Variants in TRMT10B observed in about 807,000 individuals in gnomAD.
TRMT10B encodes the protein tRNA methyltransferase 10B.
Under a neutral mutation model 43.8 loss-of-function variants are expected in TRMT10B, and 33 were observed. The observed-to-expected ratio is 0.75, with a 90% CI of 0.57 to 1.01. TRMT10B has a LOEUF of 1.01. TRMT10B is among the 50% of genes least tolerant of loss of function. The probability of loss-of-function intolerance (pLI) is 0.00; values close to 1 mark genes in which losing one functional copy is unlikely to be tolerated. For missense variants in TRMT10B, 362 were observed against 369.8 expected (o/e 0.98, Z 0.17); for synonymous variants, 137 against 130.6 (o/e 1.05, Z -0.34).
upstream of TRMT10B, among the ~76,000 whole-genome samples, chr9:37,753,500 T>C (rs1021486009): frequency 6.7e-6 from 1 of 149,622 alleles, no homozygotes; most frequent in Admixed American, 6.7e-5. Flanking sequence ...TTAGAATTTT[T>C]TTGCTTCACA....
At position 37,762,086 on chromosome 9, in the gene TRMT10B, TCCTGGCCACAG is replaced by T; in HGVS notation, c.156_166del (p.Ile52MetfsTer89). On this transcript the variant is annotated frameshift_variant, in exon 2 of 9. Transcript: ENST00000297994. LOFTEE classifies it high-confidence loss of function. ...GAAGGCGAGTGCCAGGAGGGAGAGATCCTGGCCACAGGCAGTACGGCATGGTGCTCGGTGAG... is the reference window on the plus strand; with the variant it reads ...GAAGGCGAGTGCCAGGAGGGAGAGATGCAGTACGGCATGGTGCTCGGTGAG... The T allele has an allele frequency of 6.2e-7, 1 of 1,614,010 alleles. No individual in the cohort carries two copies. Among genetic ancestry groups the T allele is most frequent in the Non-Finnish European group, 8.5e-7 (1 of 1,179,958 alleles).
intron 1 of TRMT10B, 30 bp downstream of exon 1, chr9:37,753,882 C>T (rs1477449374): frequency 1.3e-5 from 2 of 152,340 alleles, no homozygotes; most frequent in Non-Finnish European, 2.9e-5. Context: ...AGGGGGCTGG[C>T]TGGGGGCTGC....
At chr9:37,776,440 A>G in intron 8 of TRMT10B, 35 bp downstream of exon 8, 2 of 1,587,922 alleles carry the variant, frequency 1.3e-6, no homozygotes, top group Non-Finnish European at 1.7e-6. Flanking sequence ...AGGGTGTGTG[A>G]GTTCTGGTGC....
chr9:37,759,230 A>G (rs1413023757), intron 1 of TRMT10B, among the ~76,000 whole-genome samples: 2 of 152,228 alleles, frequency 1.3e-5, no homozygotes, highest in African/African-American at 4.8e-5. Flanking sequence ...CAAGCTGGAA[A>G]AGATCTCAAA....
rs57651814 is a variant in TRMT10B, at chr9:37,769,308, TAAAAAAAAAAAAAAAA to T, written c.574-615_574-600del. Among the ~76,000 whole-genome samples the T allele has an allele frequency of 3.1e-4, 19 of 60,726 alleles. 1 individual carries two copies. In the South Asian group the frequency reaches 7.4e-3, roughly 24 times the overall value. 39.8% of individuals were successfully genotyped at this position (60,726 alleles called of 152,430 possible). A position where few individuals can be genotyped will look rare whatever the true frequency, so the allele number is the denominator to read the frequency against. On this transcript the variant is annotated intron_variant, in intron 5 of 8. Transcript: ENST00000297994. ...GGGTGACAGAGCCAGACCCTGTCTT[TAAAAAAAAAAAAAAAA>T]AAAAAAAAAAAAAAAAATCTCCTTT...
At chr9:37,765,172 G>A (rs573645092) in intron 4 of TRMT10B, among the ~76,000 whole-genome samples, 21 of 152,210 alleles carry the variant, frequency 1.4e-4, no homozygotes, top group African/African-American at 4.1e-4. Context: ...ATAGGTATAC[G>A]TGTGCCATGT....
chr9:37,757,238 C>T (rs1825826233), intron 1 of TRMT10B, among the ~76,000 whole-genome samples: 1 of 152,134 alleles, frequency 6.6e-6, no homozygotes, highest in Admixed American at 6.6e-5. Context: ...TGTGCATCAT[C>T]ATGCTCATCT....
chr9:37,753,172 C>T (rs1454035110), upstream of TRMT10B, among the ~76,000 whole-genome samples: 6 of 152,032 alleles, frequency 3.9e-5, no homozygotes, highest in Non-Finnish European at 7.4e-5. Context: ...ATGAACCCGC[C>T]AGAAGGAAGA....
upstream of TRMT10B, among the ~76,000 whole-genome samples, chr9:37,753,197 A>G (rs1318283756): frequency 1.1e-4 from 17 of 152,226 alleles, no homozygotes; most frequent in Admixed American, 1.1e-3. Flanking sequence ...CCAGACACGC[A>G]GTCTTTAAGA....
At chr9:37,766,278 G>C (rs1475015856) in intron 4 of TRMT10B, among the ~76,000 whole-genome samples, 1 of 152,112 alleles carries the variant, frequency 6.6e-6, no homozygotes, top group Non-Finnish European at 1.5e-5. Context: ...AAGGGATCCA[G>C]TTTCAGCTTT....
intron 4 of TRMT10B, among the ~76,000 whole-genome samples, chr9:37,764,877 G>A (rs1243658404): frequency 6.6e-6 from 1 of 152,120 alleles, no homozygotes; most frequent in Non-Finnish European, 1.5e-5. Flanking sequence ...ACAGCCCAGG[G>A]GAGGAAGATA....
intron 1 of TRMT10B, among the ~76,000 whole-genome samples, chr9:37,758,857 C>G (rs1825990732): frequency 6.6e-6 from 1 of 152,126 alleles, no homozygotes; most frequent in African/African-American, 2.4e-5. Flanking sequence ...GGCTTTCTAC[C>G]TGAGGGTGCA....
At chr9:37,756,863 C>A (rs1825778567) in intron 1 of TRMT10B, among the ~76,000 whole-genome samples, 1 of 151,680 alleles carries the variant, frequency 6.6e-6, no homozygotes, top group Non-Finnish European at 1.5e-5. Flanking sequence ...TACACACACA[C>A]ATATACATAC....
intron 4 of TRMT10B, among the ~76,000 whole-genome samples, chr9:37,766,648 G>A (rs1045994717): frequency 6.6e-6 from 1 of 152,212 alleles, no homozygotes; most frequent in African/African-American, 2.4e-5. Context: ...GGATGGCATT[G>A]AATCTATAAA....
At chr9:37,761,338 G>T (rs1826302156) in intron 1 of TRMT10B, among the ~76,000 whole-genome samples, 1 of 152,156 alleles carries the variant, frequency 6.6e-6, no homozygotes. Flanking sequence ...TTGGTTATCT[G>T]TGTCACTGCA....
At chr9:37,761,462 G>T (rs1008456149) in intron 1 of TRMT10B, among the ~76,000 whole-genome samples, 1 of 152,178 alleles carries the variant, frequency 6.6e-6, no homozygotes, top group African/African-American at 2.4e-5. Flanking sequence ...ACTTTGGGGG[G>T]CCGAGATGGG....
intron 7 of TRMT10B, among the ~76,000 whole-genome samples, chr9:37,775,063 G>A (rs1052579836): frequency 3.3e-5 from 5 of 152,218 alleles, no homozygotes; most frequent in African/African-American, 9.7e-5. Context: ...GACCTAGGAT[G>A]AATGAGTGGA....
intron 1 of TRMT10B, among the ~76,000 whole-genome samples, chr9:37,756,535 A>C (rs1825695727): frequency 1.3e-5 from 2 of 151,824 alleles, no homozygotes. Flanking sequence ...GTGAAACCTG[A>C]TCTCTACTTA....
intron 4 of TRMT10B, among the ~76,000 whole-genome samples, chr9:37,765,448 A>C (rs1640614435): frequency 6.6e-6 from 1 of 152,134 alleles, no homozygotes; most frequent in Admixed American, 6.6e-5. Flanking sequence ...TTATGGCTGC[A>C]TACTATTCCA....
Sources: allele counts gnomAD v4.1 joint callset (sites outside exome capture counted in the v4.1 genomes callset), GRCh38; gene constraint gnomAD v4.1.1; transcripts MANE v1.5; gene names NCBI Gene and HGNC (gene_info 2026-07-23, HGNC 2026-07-21).